DEUP1: variants seen among roughly 807,000 people sequenced by gnomAD.
The protein encoded by DEUP1 is coiled-coil domain containing 67.
A neutral mutation model predicts 87.4 loss-of-function variants in DEUP1; 82 were observed. That is an observed-to-expected ratio of 0.94 (90% CI 0.78 to 1.13). The LOEUF is 1.13. Among genes scored for constraint, DEUP1 ranks in the 50% most tolerant of loss-of-function variants. The pLI is 0.00. For missense variants in DEUP1, 663 were observed against 681.5 expected, an observed-to-expected ratio of 0.97 and a Z score of 0.30; for synonymous variants, 214 against 222.7, an observed-to-expected ratio of 0.96 and a Z score of 0.35.
intron 8 of DEUP1, among the ~76,000 whole-genome samples, chr11:93,385,918 G>C (rs1946523443): frequency 6.6e-6 from 1 of 151,818 alleles, no homozygotes; most frequent in African/African-American, 2.4e-5. Context: ...CTGGGCATGG[G>C]GGCACACACC....
At chr11:93,349,736 G>GA (rs575953779) in intron 2 of DEUP1, among the ~76,000 whole-genome samples, 124 of 151,612 alleles carry the variant, frequency 8.2e-4, no homozygotes, top group Middle Eastern at 6.8e-3. Flanking sequence ...GAGTGGTGAA[G>GA]AAAAAATCTC....
At position 93,385,547 on chromosome 11, in the gene DEUP1, T is replaced by C; in HGVS notation, c.935+4T>C. 1 of 1,586,136 alleles carries C rather than the reference T, an allele frequency of 6.3e-7. No homozygotes were observed. The highest frequency in any genetic ancestry group is 8.5e-7 in the Non-Finnish European group (1 of 1,170,704). ...ATGCTCAAGGAAATAAAACAAGGTA[T>C]AATCTTTATATTTGACAATCTGAGA... On this transcript the variant is annotated splice_donor_region_variant and intron_variant, in intron 8 of 13. Coordinates refer to ENST00000298050, the MANE Select transcript of DEUP1 (RefSeq NM_181645.4).
intron 8 of DEUP1, among the ~76,000 whole-genome samples, chr11:93,387,015 T>C (rs1946591793): frequency 6.6e-6 from 1 of 152,114 alleles, no homozygotes; most frequent in East Asian, 1.9e-4. Context: ...CTTGCACTTA[T>C]TTATATATTT....
At chr11:93,363,669 T>A (rs1945283884) in intron 4 of DEUP1, among the ~76,000 whole-genome samples, 1 of 151,816 alleles carries the variant, frequency 6.6e-6, no homozygotes. Flanking sequence ...ATTAGATCAA[T>A]TTTGATATTA....
intron 8 of DEUP1, among the ~76,000 whole-genome samples, chr11:93,387,923 T>G (rs1320344151): frequency 6.6e-6 from 1 of 152,070 alleles, no homozygotes; most frequent in African/African-American, 2.4e-5. Context: ...TGCACACATA[T>G]ATGCATAGGG....
chr11:93,419,187 A>AT (rs1314023167), intron 13 of DEUP1, among the ~76,000 whole-genome samples: 1 of 147,462 alleles, frequency 6.8e-6, no homozygotes, highest in Non-Finnish European at 1.5e-5. Flanking sequence ...TATAATAATA[A>AT]AAAAAAAAAA....
At chr11:93,364,876 C>T (rs1450815092) in intron 5 of DEUP1, among the ~76,000 whole-genome samples, 3 of 152,010 alleles carry the variant, frequency 2.0e-5, no homozygotes, top group Admixed American at 6.6e-5. Flanking sequence ...TACACTGTGT[C>T]GTTGATGCAC....
chr11:93,417,687 G>A (rs1410137631), intron 13 of DEUP1, among the ~76,000 whole-genome samples: 9 of 145,760 alleles, frequency 6.2e-5, no homozygotes, highest in African/African-American at 2.4e-4. Flanking sequence ...CTACTTTAAA[G>A]TTCATATGGA....
chr11:93,357,035 A>C lies in DEUP1; in HGVS notation c.289A>C (p.Lys97Gln), dbSNP rs1413737104. The change falls in exon 4 of 14, where the codon AAG becomes CAG. Residue 97 changes from lysine to glutamine, a missense_variant. By Grantham distance (53) the Lys-to-Gln change is moderately conservative. Coordinates refer to ENST00000298050, the MANE Select transcript of DEUP1 (RefSeq NM_181645.4). Reference sequence around the variant, plus strand: ...TTATGAAGGACAACTACAAAGCCTAAAGGCTCAAGTAAGAAAACTTATTAT... The same window carrying C: ...TTATGAAGGACAACTACAAAGCCTACAGGCTCAAGTAAGAAAACTTATTAT... ...QNYEGQLQSL[K>Q]AQFSKLTNNF... is the part of the protein sequence containing the mutation. 1.3e-6 allele frequency: 2 copies of C among 1,561,206 alleles called. No individual in the cohort carries two copies. Among genetic ancestry groups the C allele is most frequent in the Non-Finnish European group, 1.7e-6 (2 of 1,150,464 alleles).
intron 2 of DEUP1, among the ~76,000 whole-genome samples, chr11:93,349,754 A>T (rs1005224436): frequency 4.3e-4 from 65 of 152,326 alleles, no homozygotes; most frequent in African/African-American, 1.5e-3. Context: ...CTCTAGGAGC[A>T]ATAGAAGGAA....
At chr11:93,332,408 A>T in intron 2 of DEUP1, 120 bp downstream of exon 2, 1 of 726,144 alleles carries the variant, frequency 1.4e-6, no homozygotes, top group Middle Eastern at 2.4e-4. Flanking sequence ...ATTTTTGGTG[A>T]GGCGGATGAG....
In DEUP1 at chr11:93,437,664, A is replaced by G. The variant is rs1280174917; in HGVS notation, c.1760A>G (p.His587Arg). 1.9e-6 allele frequency: 3 copies of G among 1,609,856 alleles called. No individual in the cohort carries two copies. Among genetic ancestry groups the G allele is most frequent in the Non-Finnish European group, 2.6e-6 (3 of 1,176,282 alleles). The change falls in exon 14 of 14, where the codon CAC becomes CGC. Residue 587 changes from histidine (H) to arginine (R), a missense_variant. Physicochemically the swap from His to Arg is conservative, Grantham distance 29. Coordinates refer to ENST00000298050, the MANE Select transcript of DEUP1 (RefSeq NM_181645.4). ...ACACATATTGATGAACTGCAAAGACACACAGAATTTACTCTTAATAAATAC... is the reference window on the plus strand; with the variant it reads ...ACACATATTGATGAACTGCAAAGACGCACAGAATTTACTCTTAATAAATAC... ...LNTHIDELQRHTEFTLNKYSK... is the reference protein window; with the variant it reads ...LNTHIDELQRRTEFTLNKYSK...
chr11:93,432,428 G>C (rs1029422216), intron 13 of DEUP1, among the ~76,000 whole-genome samples: 3 of 152,184 alleles, frequency 2.0e-5, no homozygotes, highest in Non-Finnish European at 4.4e-5. Context: ...GAACATACTA[G>C]GGAAGTGCAA....
At chr11:93,417,087 A>T (rs1947667672) in intron 13 of DEUP1, among the ~76,000 whole-genome samples, 1 of 148,984 alleles carries the variant, frequency 6.7e-6, no homozygotes, top group African/African-American at 2.5e-5. Context: ...TGAATGGGCA[A>T]AAACTGGAAG....
chr11:93,414,412 C>G (rs1947541007), intron 12 of DEUP1, among the ~76,000 whole-genome samples: 1 of 152,120 alleles, frequency 6.6e-6, no homozygotes, highest in Non-Finnish European at 1.5e-5. Context: ...ACTCAGGAGA[C>G]AGGAGAGTCT....
intron 12 of DEUP1, among the ~76,000 whole-genome samples, chr11:93,413,268 GTCTC>G (rs1947497776): frequency 7.0e-6 from 1 of 143,654 alleles, no homozygotes; most frequent in Admixed American, 7.1e-5. Context: ...TTGAGACGGA[GTCTC>G]TCTCTGTCGC....
At chr11:93,347,185 A>C (rs1471941806) in intron 2 of DEUP1, among the ~76,000 whole-genome samples, 1 of 151,896 alleles carries the variant, frequency 6.6e-6, no homozygotes, top group Non-Finnish European at 1.5e-5. Flanking sequence ...GATTATTTTG[A>C]TGTATGTTTC....
chr11:93,391,038 C>G (rs757859976), intron 9 of DEUP1, among the ~76,000 whole-genome samples: 4 of 148,940 alleles, frequency 2.7e-5, no homozygotes, highest in African/African-American at 1.0e-4. Flanking sequence ...GCCGAGATTG[C>G]GCCATGGCAC....
At chr11:93,378,174 T>C (rs569524419) in intron 7 of DEUP1, among the ~76,000 whole-genome samples, 5 of 152,224 alleles carry the variant, frequency 3.3e-5, no homozygotes, top group Non-Finnish European at 7.3e-5. Context: ...CAGGGAAGTT[T>C]TCCTCAATTA....
Sources: gnomAD v4.1 joint callset for allele counts (sites outside exome capture counted in the v4.1 genomes callset) on GRCh38, gnomAD v4.1.1 for gene constraint, MANE v1.5 for transcripts, NCBI Gene and HGNC (gene_info 2026-07-23, HGNC 2026-07-21) for gene names.